C8orf34: variants seen among roughly 807,000 people sequenced by gnomAD.
C8orf34 encodes chromosome 8 open reading frame 34, also known as uncharacterized protein C8orf34.
In C8orf34, 65 loss-of-function variants were observed where a neutral mutation model predicts 68.3. The observed-to-expected ratio is 0.95, with a 90% CI of 0.78 to 1.17. The LOEUF (loss-of-function observed/expected upper bound fraction) is 1.17, where lower values mean the gene tolerates loss of function less well. C8orf34 is among the 50% of genes most tolerant of loss of function. The probability of loss-of-function intolerance (pLI) is 0.00; values close to 1 mark genes in which losing one functional copy is unlikely to be tolerated. For synonymous variants in C8orf34, 244 were observed against 241.2 expected (o/e 1.01, Z -0.11); for missense variants, 664 against 655.4 (o/e 1.01, Z -0.14).
At chr8:68,450,483 C>A (rs974179421) in intron 3 of C8orf34, among the ~76,000 whole-genome samples, 17 of 152,150 alleles carry the variant, frequency 1.1e-4, no homozygotes, top group African/African-American at 3.9e-4. Context: ...GGCAGATATA[C>A]CTGTATAAAA....
At chr8:68,515,302 C>T (rs1438807165) in intron 5 of C8orf34, among the ~76,000 whole-genome samples, 1 of 151,658 alleles carries the variant, frequency 6.6e-6, no homozygotes, top group African/African-American at 2.4e-5. Flanking sequence ...GCCTACAGCC[C>T]TCCCTTTTTT....
chr8:68,770,489 A>G (rs1000898791), intron 10 of C8orf34, among the ~76,000 whole-genome samples: 2 of 152,200 alleles, frequency 1.3e-5, no homozygotes, highest in African/African-American at 4.8e-5. Flanking sequence ...GCTTTAGTCT[A>G]TTTCTAAGTC....
chr8:68,597,221 G>A (rs4268113), intron 7 of C8orf34, among the ~76,000 whole-genome samples: 87,829 of 151,634 alleles, frequency 0.58, 25,614 homozygotes, highest in African/African-American at 0.6. Flanking sequence ...TACCCCCTTG[G>A]AACAAGCAGC....
intron 4 of C8orf34, among the ~76,000 whole-genome samples, chr8:68,487,270 A>G (rs1365962886): frequency 2.6e-5 from 4 of 152,198 alleles, no homozygotes; most frequent in Non-Finnish European, 5.9e-5. Flanking sequence ...TATCCCTGCA[A>G]AAAAGGGAAT....
intron 1 of C8orf34, among the ~76,000 whole-genome samples, chr8:68,418,138 T>C (rs1328691241): frequency 6.8e-6 from 1 of 146,902 alleles, no homozygotes; most frequent in Non-Finnish European, 1.5e-5. Flanking sequence ...TTTTGTACAT[T>C]GATTTTGTAT....
At chr8:68,541,037 G>A (rs1053763860) in intron 7 of C8orf34, among the ~76,000 whole-genome samples, 3 of 152,068 alleles carry the variant, frequency 2.0e-5, no homozygotes, top group Non-Finnish European at 1.5e-5. Context: ...ATGATTTAGG[G>A]AAAGTAACTT....
intron 2 of C8orf34, among the ~76,000 whole-genome samples, chr8:68,440,712 C>T (rs754642501): frequency 1.7e-4 from 26 of 152,022 alleles, no homozygotes; most frequent in Non-Finnish European, 2.6e-4. Flanking sequence ...ACCACATAAA[C>T]GCAGATCAGT....
chr8:68,550,611 T>C (rs1816033338), intron 7 of C8orf34, among the ~76,000 whole-genome samples: 1 of 151,832 alleles, frequency 6.6e-6, no homozygotes, highest in African/African-American at 2.4e-5. Context: ...CATCATTTTC[T>C]ATCTCTCTGA....
intron 1 of C8orf34, among the ~76,000 whole-genome samples, chr8:68,352,254 C>T (rs1157095057): frequency 2.0e-5 from 3 of 151,962 alleles, no homozygotes; most frequent in Admixed American, 6.6e-5. Context: ...ATATATGTAA[C>T]TCTTTATTCA....
intron 6 of C8orf34, chr8:68,525,600 G>A: frequency 1.1e-6 from 1 of 878,222 alleles, no homozygotes. Flanking sequence ...GAGGTTGTCA[G>A]TACAATGAAA....
chr8:68,444,329 A>G (rs930034053), intron 2 of C8orf34, among the ~76,000 whole-genome samples: 1 of 151,988 alleles, frequency 6.6e-6, no homozygotes, highest in Admixed American at 6.6e-5. Context: ...TGCTTCATTG[A>G]GTCCACTTTC....
intron 12 of C8orf34, among the ~76,000 whole-genome samples, chr8:68,807,513 C>T (rs1476734558): frequency 6.6e-6 from 1 of 151,972 alleles, no homozygotes; most frequent in Non-Finnish European, 1.5e-5. Context: ...GTTTCTACTT[C>T]TTTCTAAAAT....
intron 9 of C8orf34, among the ~76,000 whole-genome samples, chr8:68,715,688 G>A (rs1292246855): frequency 1.3e-5 from 2 of 151,744 alleles, no homozygotes; most frequent in African/African-American, 4.8e-5. Context: ...TGGATGTGGT[G>A]AAAAAGGAAC....
intron 4 of C8orf34, among the ~76,000 whole-genome samples, chr8:68,475,310 C>T (rs1168586874): frequency 6.6e-6 from 1 of 152,212 alleles, no homozygotes; most frequent in African/African-American, 2.4e-5. Context: ...TTTCTCTGAA[C>T]ACACTTATAT....
intron 1 of C8orf34, among the ~76,000 whole-genome samples, chr8:68,331,775 C>CTTTTTTTTTT (rs1255069534): frequency 2.6e-5 from 1 of 38,418 alleles, no homozygotes; most frequent in Non-Finnish European, 5.8e-5. Flanking sequence ...CTTTTCTTTT[C>CTTTTTTTTTT]TTTCCTTCTT....
In C8orf34 at chr8:68,468,921, A is replaced by G. The variant is rs113250226; in HGVS notation, c.736+101A>G. On this transcript the variant is annotated intron_variant, in intron 4 of 13. Coordinates refer to ENST00000518698, the MANE Select transcript of C8orf34 (RefSeq NM_052958.4). The stretch of plus-strand genomic sequence containing the variant: ...AACCCATTTCTAACATCCTCATTCT[A>G]ATTCTGCAAGAGGCTGAGTAGTTCT... 9.0e-5 allele frequency: 117 copies of G among 1,295,608 alleles called. No individual in the cohort carries two copies. In the African/African-American group the frequency reaches 1.2e-3, roughly 13 times the overall value. 80.3% of individuals were successfully genotyped at this position (1,295,608 alleles called of 1,614,324 possible).
intron 8 of C8orf34, among the ~76,000 whole-genome samples, chr8:68,647,784 A>C (rs748346692): frequency 2.0e-5 from 3 of 152,222 alleles, no homozygotes; most frequent in Non-Finnish European, 4.4e-5. Context: ...ACATGACGTT[A>C]GAAAAATGCA....
chr8:68,502,358 A>G (rs546414213), intron 5 of C8orf34, among the ~76,000 whole-genome samples: 4 of 152,368 alleles, frequency 2.6e-5, no homozygotes, highest in South Asian at 4.1e-4. Flanking sequence ...AAATAGCTCT[A>G]TCTTGTACCA....
chr8:68,349,614 T>C (rs1390863639), intron 1 of C8orf34, among the ~76,000 whole-genome samples: 2 of 151,980 alleles, frequency 1.3e-5, no homozygotes, highest in Admixed American at 6.6e-5. Context: ...CCAGGCTTTT[T>C]TTAGTTGGTA....
Sources: allele counts gnomAD v4.1 joint callset (sites outside exome capture counted in the v4.1 genomes callset), GRCh38; gene constraint gnomAD v4.1.1; transcripts MANE v1.5; gene names NCBI Gene and HGNC (gene_info 2026-07-23, HGNC 2026-07-21).